WDPCP: variants seen among roughly 807,000 people sequenced by gnomAD.
WDPCP encodes WD repeat containing planar cell polarity effector, also known as WD repeat-containing and planar cell polarity effector protein fritz homolog.
Under a neutral mutation model 93.1 loss-of-function variants are expected in WDPCP, and 71 were observed. The observed-to-expected ratio is 0.76, with a 90% CI of 0.63 to 0.93. The LOEUF is 0.93. Ranked by LOEUF, WDPCP falls within the 40% of genes least tolerant of loss-of-function variation. The pLI is 0.00. For missense variants in WDPCP, 844 were observed against 887.4 expected (o/e 0.95, Z 0.62); for synonymous variants, 315 against 315.0 (o/e 1.00, Z 0.00).
chr2:63,260,594 G>C (rs999178950), intron 13 of WDPCP, among the ~76,000 whole-genome samples: 2 of 152,212 alleles, frequency 1.3e-5, no homozygotes, highest in South Asian at 4.1e-4. Flanking sequence ...TCTGTTGCCA[G>C]GCTGGAGTGC....
chr2:63,322,663 T>G (rs6755412), intron 12 of WDPCP, among the ~76,000 whole-genome samples: 2 of 151,866 alleles, frequency 1.3e-5, no homozygotes, highest in South Asian at 2.1e-4. Context: ...GAACAAACTC[T>G]GGACACACCA....
At chr2:63,541,161 T>G (rs976987436) in intron 1 of WDPCP, among the ~76,000 whole-genome samples, 1 of 152,016 alleles carries the variant, frequency 6.6e-6, no homozygotes, top group Non-Finnish European at 1.5e-5. Context: ...TTAGTAGAGA[T>G]AGGTTTTTGC....
chr2:63,548,848 A>C (rs1705349457), intron 1 of WDPCP, among the ~76,000 whole-genome samples: 1 of 152,172 alleles, frequency 6.6e-6, no homozygotes, highest in Non-Finnish European at 1.5e-5. Flanking sequence ...TAATTAAAAT[A>C]AATGTCTATA....
At chr2:63,699,641 T>C (rs1424402978) in intron 2 of WDPCP, among the ~76,000 whole-genome samples, 2 of 152,154 alleles carry the variant, frequency 1.3e-5, no homozygotes, top group African/African-American at 4.8e-5. Context: ...AAAAAAAGTT[T>C]GGAGCTATAA....
intron 2 of WDPCP, among the ~76,000 whole-genome samples, chr2:63,780,921 TG>T (rs1263870447): frequency 2.0e-5 from 3 of 152,136 alleles, no homozygotes; most frequent in African/African-American, 7.2e-5. Flanking sequence ...AAACAACATG[TG>T]GGACCTGAAA....
chr2:63,303,481 C>T (rs1270509693), intron 13 of WDPCP, among the ~76,000 whole-genome samples: 2 of 152,104 alleles, frequency 1.3e-5, no homozygotes, highest in African/African-American at 2.4e-5. Flanking sequence ...TTTGCATTGA[C>T]CACCCATTGT....
intron 1 of WDPCP, among the ~76,000 whole-genome samples, chr2:63,553,181 G>A (rs975713979): frequency 6.6e-6 from 1 of 152,172 alleles, no homozygotes; most frequent in Non-Finnish European, 1.5e-5. Flanking sequence ...TTAATTTTAC[G>A]AGCTTTTGCC....
intron 1 of WDPCP, 29 bp from the exon 2 acceptor site, chr2:63,492,969 C>G (rs766378957): frequency 6.3e-7 from 1 of 1,584,056 alleles, no homozygotes; most frequent in Admixed American, 1.7e-5. Flanking sequence ...AAAAGAGGTG[C>G]CAATTAATTA....
chr2:63,153,840 A>G (rs1348598054), intron 15 of WDPCP, among the ~76,000 whole-genome samples: 1 of 152,056 alleles, frequency 6.6e-6, no homozygotes, highest in Non-Finnish European at 1.5e-5. Context: ...AAACTTTAAC[A>G]TACAGATAAT....
chr2:63,720,734 C>T (rs1669403964), intron 2 of WDPCP, among the ~76,000 whole-genome samples: 1 of 152,172 alleles, frequency 6.6e-6, no homozygotes, highest in African/African-American at 2.4e-5. Context: ...CTGTCTTGTT[C>T]TTTGGGAATT....
intron 2 of WDPCP, among the ~76,000 whole-genome samples, chr2:63,720,352 G>C (rs1316116448): frequency 6.6e-6 from 1 of 151,782 alleles, no homozygotes; most frequent in Non-Finnish European, 1.5e-5. Flanking sequence ...ATGAGGCAGA[G>C]GTTGCGGCGA....
chr2:63,704,693 G>A (rs187013642), intron 2 of WDPCP, among the ~76,000 whole-genome samples: 1,923 of 152,184 alleles, frequency 0.013, 20 homozygotes, highest in Non-Finnish European at 0.019. Context: ...TGCTGGATTC[G>A]GCTTGCCAGT....
At chr2:63,412,284 G>A (rs954886750) in intron 9 of WDPCP, among the ~76,000 whole-genome samples, 3 of 152,116 alleles carry the variant, frequency 2.0e-5, no homozygotes, top group Non-Finnish European at 4.4e-5. Context: ...AAAATCACAT[G>A]ATCATCTCAA....
chr2:63,618,339 G>T (rs1709694748), intron 3 of WDPCP, among the ~76,000 whole-genome samples: 1 of 152,190 alleles, frequency 6.6e-6, no homozygotes, highest in East Asian at 1.9e-4. Context: ...AGCTTAACGG[G>T]AAGTACAATC....
At chr2:63,454,375 G>A (rs962822526) in intron 6 of WDPCP, among the ~76,000 whole-genome samples, 1 of 151,724 alleles carries the variant, frequency 6.6e-6, no homozygotes, top group African/African-American at 2.4e-5. Context: ...CTGAGGGAGG[G>A]ATAGCATTGG....
intron 17 of WDPCP, among the ~76,000 whole-genome samples, chr2:63,133,577 G>C (rs1463354477): frequency 1.3e-5 from 2 of 152,158 alleles, no homozygotes; most frequent in Admixed American, 1.3e-4. Context: ...TTATGATAGT[G>C]AAGAGTTCTC....
intron 9 of WDPCP, among the ~76,000 whole-genome samples, chr2:63,414,078 G>C (rs1363854606): frequency 1.3e-5 from 2 of 151,950 alleles, no homozygotes; most frequent in African/African-American, 4.8e-5. Context: ...ATGAAAAAAT[G>C]CTCCACATCA....
At chr2:63,693,299 G>A (rs779721377) in intron 2 of WDPCP, among the ~76,000 whole-genome samples, 4 of 152,134 alleles carry the variant, frequency 2.6e-5, no homozygotes, top group Admixed American at 2.0e-4. Context: ...TGAATATTAA[G>A]TAACTCTTCA....
At chr2:63,393,430 A>G (rs1258201228) in intron 10 of WDPCP, among the ~76,000 whole-genome samples, 1 of 152,122 alleles carries the variant, frequency 6.6e-6, no homozygotes, top group African/African-American at 2.4e-5. Flanking sequence ...GAAATACCTA[A>G]TGTAAATGAC....
Sources: gnomAD v4.1 joint callset for allele counts (sites outside exome capture counted in the v4.1 genomes callset) on GRCh38, gnomAD v4.1.1 for gene constraint, MANE v1.5 for transcripts, NCBI Gene and HGNC (gene_info 2026-07-23, HGNC 2026-07-21) for gene names.